Variants in GALNT12 observed in about 807,000 individuals in gnomAD.
GALNT12 encodes polypeptide N-acetylgalactosaminyltransferase 12, also known as UDP-GalNAc:polypeptide N-acetylgalactosaminyltransferase 12.
GALNT12 carries 45 observed loss-of-function variants against 55.5 expected under a neutral mutation model. The ratio of observed to expected loss-of-function variants is 0.81; its 90% CI spans 0.64 to 1.04. The LOEUF (loss-of-function observed/expected upper bound fraction) is 1.04. Ranked by LOEUF, GALNT12 falls within the 50% of genes least tolerant of loss-of-function variation. GALNT12 has a pLI of 0.00. For synonymous variants in GALNT12, 304 were observed against 312.2 expected (o/e 0.97, Z 0.28); for missense variants, 709 against 754.8 (o/e 0.94, Z 0.71).
intron 2 of GALNT12, among the ~76,000 whole-genome samples, chr9:98,823,899 C>G (rs1835804203): frequency 6.6e-6 from 1 of 152,176 alleles, no homozygotes; most frequent in African/African-American, 2.4e-5. Flanking sequence ...TGCCCACATG[C>G]AGCAGAGCCT....
At chr9:98,827,434 C>CA (rs1289748169) in intron 3 of GALNT12, among the ~76,000 whole-genome samples, 1 of 152,136 alleles carries the variant, frequency 6.6e-6, no homozygotes, top group Non-Finnish European at 1.5e-5. Flanking sequence ...CTCCTGACCT[C>CA]AAACTCCTGA....
chr9:98,818,372 G>A (rs1215546785), intron 1 of GALNT12, among the ~76,000 whole-genome samples: 1 of 152,024 alleles, frequency 6.6e-6, no homozygotes, highest in African/African-American at 2.4e-5. Context: ...ACAGGCAGGC[G>A]CCGCCATGCC....
chr9:98,836,135 G>T (rs1836138774), intron 5 of GALNT12, among the ~76,000 whole-genome samples: 2 of 152,298 alleles, frequency 1.3e-5, no homozygotes, highest in Non-Finnish European at 2.9e-5. Flanking sequence ...GTGGGACCAA[G>T]ATTCTGCTTT....
chr9:98,848,471 C>A, intron 9 of GALNT12, among the ~76,000 whole-genome samples: 1 of 152,184 alleles, frequency 6.6e-6, no homozygotes, highest in East Asian at 1.9e-4. Flanking sequence ...CCCACTGATT[C>A]TCTGATGTGT....
rs1836244187 is a variant in GALNT12, at chr9:98,839,885, G to T, written c.1213-117G>T. The T allele has an allele frequency of 3.1e-6, 4 of 1,270,620 alleles. No individual in the cohort carries two copies. The Admixed American group carries it at 6.8e-5, about 21-fold the overall frequency. 78.7% of individuals were successfully genotyped at this position (1,270,620 alleles called of 1,614,324 possible). On this transcript the variant is annotated intron_variant, in intron 6 of 9. Transcript: ENST00000375011. Reference sequence around the variant, plus strand: ...CTGTGCTCCACACAGGGCCTGGCATGCGACGAATGCTCCATCAAAGCTGGC... The same window carrying T: ...CTGTGCTCCACACAGGGCCTGGCATTCGACGAATGCTCCATCAAAGCTGGC...
chr9:98,835,739 C>CT (rs532032529), intron 5 of GALNT12, among the ~76,000 whole-genome samples: 2,305 of 144,408 alleles, frequency 0.016, 38 homozygotes, highest in African/African-American at 0.051. Context: ...GTAAGAATTT[C>CT]TTTTTTTTTT....
intron 3 of GALNT12, among the ~76,000 whole-genome samples, chr9:98,828,721 A>G (rs760318142): frequency 3.9e-5 from 6 of 152,234 alleles, no homozygotes; most frequent in South Asian, 2.1e-4. Context: ...TATGGGGTAC[A>G]TGAGATATTT....
intron 7 of GALNT12, 42 bp downstream of exon 7, chr9:98,840,175 T>C: frequency 6.2e-7 from 1 of 1,610,652 alleles, no homozygotes; most frequent in Non-Finnish European, 8.5e-7. Flanking sequence ...GGGACTTCCC[T>C]GGCCTCTGGG....
intron 2 of GALNT12, among the ~76,000 whole-genome samples, chr9:98,825,979 A>AC (rs1008437842): frequency 1.3e-5 from 2 of 152,008 alleles, no homozygotes; most frequent in African/African-American, 4.8e-5. Flanking sequence ...TGTCTCAAAA[A>AC]AAAAAAAATC....
At chr9:98,809,132 A>C (rs1167939583) in intron 1 of GALNT12, among the ~76,000 whole-genome samples, 5 of 152,192 alleles carry the variant, frequency 3.3e-5, no homozygotes, top group African/African-American at 9.7e-5. Context: ...CTTCTGGCCC[A>C]CTTGGCACCA....
intron 7 of GALNT12, among the ~76,000 whole-genome samples, chr9:98,841,707 G>C (rs548431466): frequency 3.4e-5 from 5 of 149,028 alleles, no homozygotes; most frequent in Non-Finnish European, 7.4e-5. Flanking sequence ...TCTTGCTCTT[G>C]TCCCCCAGGC....
At chr9:98,809,571 A>G (rs1452593516) in intron 1 of GALNT12, among the ~76,000 whole-genome samples, 1 of 152,088 alleles carries the variant, frequency 6.6e-6, no homozygotes, top group Non-Finnish European at 1.5e-5. Flanking sequence ...GAAATAGGAA[A>G]CTCATAAAAG....
rs561613302 is a variant in GALNT12 at position 98,822,424 on chromosome 9, G to A, written c.372-832G>A. On this transcript the variant is annotated intron_variant, in intron 1 of 9. Transcript: ENST00000375011. ...AGGGAACCTTCAGTTCAAAGTGACG[G>A]CAAATTGCTAAACAAAGAGGGAGCT... 6.6e-5 allele frequency among the ~76,000 whole-genome samples: 10 copies of A among 152,280 alleles called. No homozygotes were observed. In the South Asian group the frequency reaches 1.9e-3, roughly 28 times the overall value.
intron 4 of GALNT12, among the ~76,000 whole-genome samples, chr9:98,834,763 C>T (rs1285686168): frequency 6.6e-6 from 1 of 152,212 alleles, no homozygotes; most frequent in Non-Finnish European, 1.5e-5. Context: ...TGGCCTGGAG[C>T]CTGCCTTCTT....
Position 98,846,016 on chromosome 9 carries a change from A to T in GALNT12, c.1498A>T (p.Thr500Ser). The change falls in exon 9 of 10, where the codon ACC (threonine) becomes TCC (serine). Residue 500 changes from threonine (T) to serine (S), a missense_variant. By Grantham distance (58) the Thr-to-Ser change is moderately conservative. Around this residue, in one of 5 missense-constraint regions of GALNT12, gnomAD observed 262 missense variants for 310.7 expected, o/e 0.84. Coordinates refer to ENST00000375011, the MANE Select transcript of GALNT12 (RefSeq NM_024642.5). ...YTSQKEIRYNTHQPEGCIAVE... is the reference protein window; with the variant it reads ...YTSQKEIRYNSHQPEGCIAVE... ...GTCCCAGAAAGAAATACGCTATAAC[A>T]CCCACCAGCCTGAGGGCTGCATTGC... 2 of 1,613,948 alleles carry T rather than the reference A, an allele frequency of 1.2e-6. No homozygotes were observed. Among genetic ancestry groups the T allele is most frequent in the Non-Finnish European group, 1.7e-6 (2 of 1,179,968 alleles).
At position 98,831,901 on chromosome 9, in the gene GALNT12, G is replaced by T; in HGVS notation, c.861G>T (p.Trp287Cys). 1 of 1,614,122 alleles carries T rather than the reference G, an allele frequency of 6.2e-7. No homozygotes were observed. The highest frequency in any genetic ancestry group is 8.5e-7 in the Non-Finnish European group (1 of 1,180,008). Residue 287 changes from tryptophan (W) to cysteine (C), a missense_variant, in exon 4 of 10, where the codon TGG (tryptophan) becomes TGT (cysteine). Around this residue, in one of 5 missense-constraint regions of GALNT12, gnomAD observed 315 missense variants for 288.6 expected, o/e 1.09. Coordinates refer to ENST00000375011, the MANE Select transcript of GALNT12 (RefSeq NM_024642.5). ...GGFDWRLVFTWHTVPERERIR... is the reference protein window; with the variant it reads ...GGFDWRLVFTCHTVPERERIR... ...TCGACTGGAGGCTGGTGTTCACGTG[G>T]CACACAGTTCCTGAGAGGGAGAGGA...
At position 98,823,242 on chromosome 9, in the gene GALNT12, C is replaced by T. The variant is rs185007553; in HGVS notation, c.372-14C>T. On this transcript the variant is annotated splice_polypyrimidine_tract_variant and intron_variant, in intron 1 of 9. Transcript: ENST00000375011. ...GCTAGATCCTGAGTTCCTGAAGTTC[C>T]GCTGTATTTGCAGGTGCAAAGAGAA... The T allele has an allele frequency of 1.0e-4, 167 of 1,613,630 alleles. No homozygotes were observed. The African/African-American group carries it at 1.6e-3, about 16-fold the overall frequency.
At chr9:98,835,831 G>A (rs1310878942) in intron 5 of GALNT12, among the ~76,000 whole-genome samples, 1 of 152,028 alleles carries the variant, frequency 6.6e-6, no homozygotes, top group Admixed American at 6.5e-5. Context: ...CGCCTCCTGT[G>A]TTGAAGTGAT....
intron 9 of GALNT12, chr9:98,848,628 G>A (rs1323420797): frequency 5.2e-6 from 2 of 382,096 alleles, no homozygotes; most frequent in African/African-American, 4.2e-5. Flanking sequence ...CCTAAGAGGA[G>A]TGAAAGAGAT....
Sources: allele counts gnomAD v4.1 joint callset (sites outside exome capture counted in the v4.1 genomes callset), GRCh38; gene constraint gnomAD v4.1.1; regional missense constraint gnomAD v4.1.1; transcripts MANE v1.5; gene names NCBI Gene and HGNC (gene_info 2026-07-23, HGNC 2026-07-21).